MBLAC2: variants seen among roughly 807,000 people sequenced by gnomAD.
MBLAC2 encodes acyl-coenzyme A thioesterase MBLAC2.
Under a neutral mutation model 23.3 loss-of-function variants are expected in MBLAC2, and 24 were observed. That is an observed-to-expected ratio of 1.03 (90% confidence interval 0.75 to 1.45). The LOEUF is 1.45. Among genes scored for constraint, MBLAC2 ranks in the 40% most tolerant of loss-of-function variants. MBLAC2 has a pLI of 0.00. For missense variants in MBLAC2, 358 were observed against 370.0 expected, an observed-to-expected ratio of 0.97 and a Z score of 0.27; for synonymous variants, 162 against 150.9, an observed-to-expected ratio of 1.07 and a Z score of -0.54.
chr5:90,461,713 T>C (rs1180947352), intron 1 of MBLAC2, among the ~76,000 whole-genome samples, 161 bp from the exon 2 acceptor site: 2 of 152,230 alleles, frequency 1.3e-5, no homozygotes. Context: ...AAGCTGCCTA[T>C]AGTTCATTCC....
At chr5:90,472,982 G>C (rs1348832324) in intron 1 of MBLAC2, 1 of 152,148 alleles carries the variant, frequency 6.6e-6, no homozygotes. Flanking sequence ...CTGATGTGGC[G>C]AATTAGCTCA....
chr5:90,461,404 T>C lies in MBLAC2; in HGVS notation c.603A>G (p.Pro201=). 1.2e-6 allele frequency: 2 copies of C among 1,614,150 alleles called. No homozygotes were observed. Among genetic ancestry groups the C allele is most frequent in the Non-Finnish European group, 1.7e-6 (2 of 1,180,008 alleles). The change falls in exon 2 of 2, where the codon CCA becomes CCG. Residue 201 remains proline (P), a synonymous_variant. Transcript: ENST00000316610. Reference sequence around the variant, plus strand: ...CAACATAGTCACTTATCCTGCTGTATGGGAGCCAGTCAATCAGTGATCCAT... The same window carrying C: ...CAACATAGTCACTTATCCTGCTGTACGGGAGCCAGTCAATCAGTGATCCAT... ...VYDGSLIDWL[P]YSRISDYVGT... is the part of the protein sequence containing the mutation.
intron 1 of MBLAC2, among the ~76,000 whole-genome samples, chr5:90,462,237 C>T (rs1305197624): frequency 6.6e-6 from 1 of 152,078 alleles, no homozygotes; most frequent in Non-Finnish European, 1.5e-5. Context: ...CTTCAGTTAC[C>T]GACAGCAGAG....
intron 1 of MBLAC2, 172 bp downstream of exon 1, chr5:90,473,667 T>C (rs1176749139): frequency 2.7e-6 from 2 of 728,760 alleles, no homozygotes; most frequent in Middle Eastern, 2.5e-4. Flanking sequence ...TGTGATGGCC[T>C]TGACTCTGGT....
rs148581020 is a variant in MBLAC2 at position 90,461,347 on chromosome 5, G to A, written c.660C>T (p.Asp220=). 6.2e-6 allele frequency: 10 copies of A among 1,614,120 alleles called. No individual in the cohort carries two copies. The highest frequency in any genetic ancestry group is 8.5e-6 in the Non-Finnish European group (10 of 1,180,002). Residue 220 remains aspartate, a synonymous_variant, in exon 2 of 2, where the codon GAC becomes GAT. Coordinates refer to ENST00000316610, the MANE Select transcript of MBLAC2 (RefSeq NM_203406.2). ...GAAGCACCTTCTCTACCAGACCTCTGTCCACTAATTCTATTAGACGTTCAC... is the reference window on the plus strand; with the variant it reads ...GAAGCACCTTCTCTACCAGACCTCTATCCACTAATTCTATTAGACGTTCAC... ...GTCERLIELV[D]RGLVEKVLPG...
chr5:90,458,848 T>C lies in MBLAC2; in HGVS notation c.*2319A>G, dbSNP rs188233688. 1.3e-5 allele frequency: 2 copies of C among 152,580 alleles called. No individual in the cohort carries two copies. The highest frequency in any genetic ancestry group is 2.1e-4 in the South Asian group (1 of 4,828). The allele number at this position is 152,580 out of a possible 1,614,324, so 9.5% of individuals were successfully genotyped here. ...TCAATAAATGATATACTTTACCTTATTTATTCACATTGAAGTAATAGCAAA... is the reference window on the plus strand; with the variant it reads ...TCAATAAATGATATACTTTACCTTACTTATTCACATTGAAGTAATAGCAAA... On this transcript the variant is annotated 3_prime_UTR_variant, in exon 2 of 2. Transcript: ENST00000316610.
chr5:90,468,548 A>AACTGTTTTTT (rs2151892268), intron 1 of MBLAC2, among the ~76,000 whole-genome samples: 1 of 152,106 alleles, frequency 6.6e-6, no homozygotes, highest in Non-Finnish European at 1.5e-5. Context: ...CAGATGTTGT[A>AACTGTTTTTT]ACTGTTTTTT....
chr5:90,470,756 GCACA>G (rs35909248), intron 1 of MBLAC2, among the ~76,000 whole-genome samples: 32 of 140,652 alleles, frequency 2.3e-4, no homozygotes, highest in African/African-American at 8.3e-4. Flanking sequence ...TAGCGCGCGC[GCACA>G]CACACACACA....
intron 1 of MBLAC2, among the ~76,000 whole-genome samples, chr5:90,470,808 T>C (rs1023327289): frequency 3.3e-5 from 5 of 151,252 alleles, no homozygotes; most frequent in African/African-American, 1.2e-4. Flanking sequence ...CTGTTTTCCA[T>C]ACTGAGCCCT....
At chr5:90,466,852 T>C (rs181068133) in intron 1 of MBLAC2, among the ~76,000 whole-genome samples, 38 of 152,294 alleles carry the variant, frequency 2.5e-4, no homozygotes, top group African/African-American at 9.1e-4. Context: ...TTGAAAAAGA[T>C]GTGAGCTGGG....
chr5:90,462,640 G>T (rs548027281), intron 1 of MBLAC2, among the ~76,000 whole-genome samples: 1 of 152,124 alleles, frequency 6.6e-6, no homozygotes, highest in African/African-American at 2.4e-5. Context: ...TTACTAAAAA[G>T]AAGTAATTTT....
chr5:90,474,513 C>A lies in MBLAC2; in HGVS notation c.-221G>T. The A allele has an allele frequency of 2.2e-5, 12 of 547,166 alleles. No individual in the cohort carries two copies. In the South Asian group the frequency reaches 2.6e-4, roughly 12 times the overall value. 33.9% of individuals were successfully genotyped at this position (547,166 alleles called of 1,614,324 possible). A position where few individuals can be genotyped will look rare whatever the true frequency, so the allele number is the denominator to read the frequency against. On this transcript the variant is annotated 5_prime_UTR_variant, in exon 1 of 2. Transcript: ENST00000316610. ...GCGCTCCCGCACCCTTCCGCCAGGTCGGCAGCAAGCAGAGGCTGCGCCACC... is the reference window on the plus strand; with the variant it reads ...GCGCTCCCGCACCCTTCCGCCAGGTAGGCAGCAAGCAGAGGCTGCGCCACC...
At position 90,474,720 on chromosome 5, in the gene MBLAC2, A is replaced by T; in HGVS notation, c.-428T>A. 4.9e-6 allele frequency: 1 copy of T among 202,244 alleles called. No homozygotes were observed. Among genetic ancestry groups the T allele is most frequent in the South Asian group, 7.3e-5 (1 of 13,612 alleles). 12.5% of individuals were successfully genotyped at this position (202,244 alleles called of 1,614,324 possible). A position where few individuals can be genotyped will look rare whatever the true frequency, so the allele number is the denominator to read the frequency against. ...AGAACCGCCCACCCACTGGCTCTGC[A>T]GGGCGCGCACTCCCAGCTGGCGCAG... On this transcript the variant is annotated 5_prime_UTR_variant, in exon 1 of 2. Transcript: ENST00000316610.
In MBLAC2 at chr5:90,474,589, A is replaced by C. The variant is rs930176190; in HGVS notation, c.-297T>G. ...AGCCTCGGCAGCCGCACCACGAGAG[A>C]GCTTTAACGCAGGGGCCACTGCAGC... On this transcript the variant is annotated 5_prime_UTR_variant, in exon 1 of 2. Coordinates refer to ENST00000316610, the MANE Select transcript of MBLAC2 (RefSeq NM_203406.2). 2.3e-6 allele frequency: 1 copy of C among 439,558 alleles called. No individual in the cohort carries two copies. Among genetic ancestry groups the C allele is most frequent in the Non-Finnish European group, 4.1e-6 (1 of 242,450 alleles). 27.2% of individuals were successfully genotyped at this position (439,558 alleles called of 1,614,324 possible).
intron 1 of MBLAC2, chr5:90,472,637 G>A (rs973968790): frequency 6.6e-6 from 1 of 152,106 alleles, no homozygotes; most frequent in South Asian, 2.1e-4. Flanking sequence ...GTCATAAAGT[G>A]AGCTTCATTA....
chr5:90,470,952 G>A (rs1750537634), intron 1 of MBLAC2, among the ~76,000 whole-genome samples: 1 of 152,134 alleles, frequency 6.6e-6, no homozygotes, highest in African/African-American at 2.4e-5. Context: ...AGGTTTTCAA[G>A]AAATTCTGCT....
chr5:90,473,774 C>T (rs1750620037), intron 1 of MBLAC2, 65 bp downstream of exon 1: 2 of 1,438,744 alleles, frequency 1.4e-6, no homozygotes, highest in South Asian at 1.2e-5. Flanking sequence ...CAACATGCGG[C>T]ACTCGGACAG....
At chr5:90,466,195 A>C (rs1750443326) in intron 1 of MBLAC2, among the ~76,000 whole-genome samples, 1 of 152,256 alleles carries the variant, frequency 6.6e-6, no homozygotes, top group Non-Finnish European at 1.5e-5. Context: ...AGAGAGTCTG[A>C]AAGTAGACAC....
At position 90,467,270 on chromosome 5, in the gene MBLAC2, G is replaced by A. The variant is rs35241726; in HGVS notation, c.455-5718C>T. Among the ~76,000 whole-genome samples, 617 of 152,222 alleles carry A rather than the reference G, an allele frequency of 4.1e-3. 1 individual carries two copies. The highest frequency in any genetic ancestry group is 6.3e-3 in the Non-Finnish European group (426 of 68,014). On this transcript the variant is annotated intron_variant, in intron 1 of 1. Transcript: ENST00000316610. ...TCTTGATGACCTGTCTAGTACTGTCGACAAGTGGAGTATTAAAGTCCCCCA... is the reference window on the plus strand; with the variant it reads ...TCTTGATGACCTGTCTAGTACTGTCAACAAGTGGAGTATTAAAGTCCCCCA...
Sources: gnomAD v4.1 joint callset for allele counts (sites outside exome capture counted in the v4.1 genomes callset) on GRCh38, gnomAD v4.1.1 for gene constraint, MANE v1.5 for transcripts, NCBI Gene and HGNC (gene_info 2026-07-23, HGNC 2026-07-21) for gene names.